Variants in PIP4K2A observed in about 807,000 individuals in gnomAD.
PIP4K2A encodes the protein phosphatidylinositol 5-phosphate 4-kinase type-2 alpha.
PIP4K2A carries 14 observed loss-of-function variants against 42.9 expected under a neutral mutation model. The observed-to-expected ratio is 0.33, with a 90% CI of 0.22 to 0.51. The LOEUF (loss-of-function observed/expected upper bound fraction) is 0.51. Ranked by LOEUF, PIP4K2A falls within the 20% of genes least tolerant of loss-of-function variation. The pLI, the probability that PIP4K2A is intolerant of heterozygous loss-of-function variation, is 0.97. For synonymous variants in PIP4K2A, 192 were observed against 192.2 expected (o/e 1.00, Z 0.01); for missense variants, 434 against 519.8 (o/e 0.83, Z 1.61).
At chr10:22,601,817 C>G (rs938073139) in intron 3 of PIP4K2A, among the ~76,000 whole-genome samples, 3 of 152,188 alleles carry the variant, frequency 2.0e-5, no homozygotes, top group African/African-American at 7.2e-5. Flanking sequence ...GTCAAAAACT[C>G]AACTCCATCT....
intron 7 of PIP4K2A, among the ~76,000 whole-genome samples, chr10:22,546,602 G>T (rs1395239190): frequency 6.6e-6 from 1 of 152,040 alleles, no homozygotes; most frequent in Non-Finnish European, 1.5e-5. Context: ...GTAGAGATGG[G>T]GTCTCACTAT....
intron 3 of PIP4K2A, among the ~76,000 whole-genome samples, chr10:22,602,368 T>C (rs1324657573): frequency 7.1e-6 from 1 of 140,692 alleles, no homozygotes; most frequent in Non-Finnish European, 1.5e-5. Context: ...TACTCCAGCC[T>C]GGGCAACAGA....
chr10:22,564,651 ACT>A (rs1342714253), intron 6 of PIP4K2A, among the ~76,000 whole-genome samples: 1 of 152,242 alleles, frequency 6.6e-6, no homozygotes, highest in East Asian at 1.9e-4. Flanking sequence ...GTCGACAGTC[ACT>A]GTTTCTGCCT....
chr10:22,711,853 G>C (rs563442797), intron 1 of PIP4K2A, among the ~76,000 whole-genome samples: 1 of 152,104 alleles, frequency 6.6e-6, no homozygotes, highest in African/African-American at 2.4e-5. Context: ...TAGATTTCAT[G>C]TTTATATTAC....
chr10:22,650,278 G>C (rs1332841874), intron 1 of PIP4K2A, among the ~76,000 whole-genome samples: 2 of 152,086 alleles, frequency 1.3e-5, no homozygotes, highest in African/African-American at 4.8e-5. Flanking sequence ...TTCTGAGACT[G>C]GGTATCCCTT....
At chr10:22,619,297 G>A (rs1463092098) in intron 1 of PIP4K2A, among the ~76,000 whole-genome samples, 3 of 152,164 alleles carry the variant, frequency 2.0e-5, no homozygotes, top group African/African-American at 2.4e-5. Flanking sequence ...AGAGGGACAG[G>A]CAGGGCAAAT....
At chr10:22,641,810 T>C (rs573374921) in intron 1 of PIP4K2A, among the ~76,000 whole-genome samples, 2 of 152,102 alleles carry the variant, frequency 1.3e-5, no homozygotes, top group Admixed American at 6.5e-5. Context: ...CACCCTTCCC[T>C]GAACCCCAGA....
chr10:22,566,613 G>A (rs543176780), intron 6 of PIP4K2A, among the ~76,000 whole-genome samples: 29 of 152,244 alleles, frequency 1.9e-4, no homozygotes, highest in African/African-American at 6.7e-4. Context: ...CAGCCTCTCT[G>A]ACAGGACTGG....
chr10:22,554,364 G>A (rs749124509), intron 6 of PIP4K2A, among the ~76,000 whole-genome samples: 10 of 152,138 alleles, frequency 6.6e-5, no homozygotes, highest in African/African-American at 1.7e-4. Flanking sequence ...CAAAGATGAC[G>A]TCTGCAGAGC....
At chr10:22,664,822 A>G (rs1266756733) in intron 1 of PIP4K2A, among the ~76,000 whole-genome samples, 1 of 152,150 alleles carries the variant, frequency 6.6e-6, no homozygotes, top group East Asian at 1.9e-4. Context: ...TGTTTGGGTG[A>G]ATTAGCAGAT....
intron 1 of PIP4K2A, among the ~76,000 whole-genome samples, chr10:22,663,716 C>T (rs779279003): frequency 4.6e-5 from 7 of 151,652 alleles, no homozygotes; most frequent in African/African-American, 7.3e-5. Context: ...TTTATAAAAG[C>T]GGAAAGCACA....
intron 4 of PIP4K2A, among the ~76,000 whole-genome samples, chr10:22,590,254 C>G (rs1022961336): frequency 6.6e-6 from 1 of 152,190 alleles, no homozygotes; most frequent in Admixed American, 6.5e-5. Context: ...ACAGCTCAAG[C>G]TGACTAAGGT....
At chr10:22,565,955 G>A (rs1472694033) in intron 6 of PIP4K2A, among the ~76,000 whole-genome samples, 2 of 152,060 alleles carry the variant, frequency 1.3e-5, no homozygotes, top group African/African-American at 2.4e-5. Context: ...ATAAATTTTG[G>A]TCAGACCGGT....
At chr10:22,596,160 G>A (rs2130828386) in intron 3 of PIP4K2A, among the ~76,000 whole-genome samples, 1 of 134,664 alleles carries the variant, frequency 7.4e-6, no homozygotes, top group Admixed American at 8.5e-5. Flanking sequence ...AGCTGAGATT[G>A]TGCCATTGCA....
chr10:22,709,770 T>C (rs1193365492), intron 1 of PIP4K2A, among the ~76,000 whole-genome samples: 1 of 152,154 alleles, frequency 6.6e-6, no homozygotes, highest in Non-Finnish European at 1.5e-5. Flanking sequence ...CTGGTTATAA[T>C]CCCAAGTTTT....
At chr10:22,669,013 A>G (rs1161652977) in intron 1 of PIP4K2A, among the ~76,000 whole-genome samples, 1 of 152,104 alleles carries the variant, frequency 6.6e-6, no homozygotes, top group African/African-American at 2.4e-5. Flanking sequence ...TTGCTAGTTG[A>G]TAATTTGAAC....
chr10:22,596,140 G>A (rs1465834270), intron 3 of PIP4K2A, among the ~76,000 whole-genome samples: 2 of 144,254 alleles, frequency 1.4e-5, no homozygotes, highest in Non-Finnish European at 3.0e-5. Flanking sequence ...GGGAGGCGGA[G>A]GCTGCAGTGA....
chr10:22,549,037 G>A (rs61847457), intron 7 of PIP4K2A, among the ~76,000 whole-genome samples: 3,465 of 152,262 alleles, frequency 0.023, 53 homozygotes, highest in Non-Finnish European at 0.035. Flanking sequence ...AACACAGCAA[G>A]ACTGTCTCTA....
intron 3 of PIP4K2A, among the ~76,000 whole-genome samples, chr10:22,596,871 C>A (rs994740319): frequency 6.6e-6 from 1 of 152,250 alleles, no homozygotes; most frequent in Non-Finnish European, 1.5e-5. Context: ...CCCAGAGCCT[C>A]CATCTCCCCC....
Sources: allele counts gnomAD v4.1 joint callset (sites outside exome capture counted in the v4.1 genomes callset), GRCh38; gene constraint gnomAD v4.1.1; transcripts MANE v1.5; gene names NCBI Gene and HGNC (gene_info 2026-07-23, HGNC 2026-07-21).